The following PCDHGA7 variants were observed in gnomAD, a reference collection of about 807,000 sequenced individuals.
The protein encoded by PCDHGA7 is protocadherin gamma subfamily A, 7, also known as protocadherin gamma-A7.
PCDHGA7 carries 44 observed loss-of-function variants against 58.3 expected under a neutral mutation model. That is an observed-to-expected ratio of 0.75 (90% CI 0.59 to 0.97). The LOEUF (loss-of-function observed/expected upper bound fraction) is 0.97. Ranked by LOEUF, PCDHGA7 falls within the 50% of genes least tolerant of loss-of-function variation. The probability of loss-of-function intolerance (pLI) is 0.00; values close to 1 mark genes in which losing one functional copy is unlikely to be tolerated. For synonymous variants in PCDHGA7, 516 were observed against 504.2 expected (o/e 1.02, Z -0.31); for missense variants, 1,266 against 1,188.7 (o/e 1.06, Z -0.96).
intron 1 of PCDHGA7, chr5:141,413,293 C>G: frequency 6.2e-7 from 1 of 1,613,946 alleles, no homozygotes; most frequent in South Asian, 1.1e-5. Context: ...CTACTCAATT[C>G]CTGAGGAATT....
chr5:141,497,804 T>G (rs1196976996), intron 2 of PCDHGA7, among the ~76,000 whole-genome samples: 1 of 152,186 alleles, frequency 6.6e-6, no homozygotes, highest in Non-Finnish European at 1.5e-5. Context: ...CTTCCCAAAG[T>G]GCTAGAATTA....
At chr5:141,436,181 T>C (rs1050736907) in intron 1 of PCDHGA7, among the ~76,000 whole-genome samples, 2 of 152,092 alleles carry the variant, frequency 1.3e-5, no homozygotes, top group African/African-American at 4.8e-5. Flanking sequence ...TCATATATAG[T>C]CAAATAGAAA....
chr5:141,435,254 G>C (rs1220755047), intron 1 of PCDHGA7, among the ~76,000 whole-genome samples: 1 of 152,018 alleles, frequency 6.6e-6, no homozygotes, highest in African/African-American at 2.4e-5. Flanking sequence ...GGCCATTAGG[G>C]ATATGTCCAT....
intron 2 of PCDHGA7, among the ~76,000 whole-genome samples, chr5:141,499,496 T>C (rs1167360015): frequency 6.6e-6 from 1 of 152,182 alleles, no homozygotes; most frequent in East Asian, 1.9e-4. Flanking sequence ...CAGTTTAATA[T>C]GAAACATTTC....
intron 3 of PCDHGA7, among the ~76,000 whole-genome samples, chr5:141,509,622 T>C (rs2099877603): frequency 6.6e-6 from 1 of 152,186 alleles, no homozygotes; most frequent in Non-Finnish European, 1.5e-5. Flanking sequence ...AACAAGTTCC[T>C]GGGTGATGCT....
At chr5:141,423,659 A>T (rs369390148) in intron 1 of PCDHGA7, 133 of 1,551,038 alleles carry the variant, frequency 8.6e-5, no homozygotes, top group Non-Finnish European at 1.1e-4. Context: ...ACAAGTAATC[A>T]GGTGAGATTT....
intron 1 of PCDHGA7, chr5:141,418,790 G>A (rs1434374059): frequency 2.5e-6 from 4 of 1,613,758 alleles, no homozygotes; most frequent in Admixed American, 3.3e-5. Flanking sequence ...GGATTTTGAA[G>A]AAGTAGAAAG....
In PCDHGA7 at chr5:141,487,678, C is replaced by T. The variant is rs1416406108; in HGVS notation, c.2425-7129C>T. ...ATTCTGATCCAGGCATATGGCTAGG[C>T]CATGTCCTAGAGAGTACTGGCCTCT... On this transcript the variant is annotated intron_variant, in intron 1 of 3. Transcript: ENST00000518325. The surrounding 1 kb of genome is among the most constrained non-coding windows in gnomAD (Gnocchi z 5.0). 6.2e-7 allele frequency: 1 copy of T among 1,609,696 alleles called. No individual in the cohort carries two copies. Among genetic ancestry groups the T allele is most frequent in the South Asian group, 1.1e-5 (1 of 90,230 alleles).
At position 141,382,910 on chromosome 5, in the gene PCDHGA7, A is replaced by G; in HGVS notation, c.11A>G (p.Gln4Arg). The change falls in exon 1 of 4, where the codon CAG becomes CGG. Residue 4 changes from glutamine (Q) to arginine (R), a missense_variant. Coordinates refer to ENST00000518325, the MANE Select transcript of PCDHGA7 (RefSeq NM_018920.4). MAA[Q>R]PRGGDYRGFF... ...AGAAGCAGGACGACTATGGCGGCTC[A>G]GCCGAGGGGCGGGGACTACAGAGGA... The G allele has an allele frequency of 6.5e-7, 1 of 1,546,576 alleles. No homozygotes were observed.
chr5:141,494,306 T>G (rs1432951954), intron 1 of PCDHGA7, among the ~76,000 whole-genome samples: 1 of 152,212 alleles, frequency 6.6e-6, no homozygotes, highest in Non-Finnish European at 1.5e-5. Flanking sequence ...AATGTGTCAC[T>G]GCACAACCTG....
At chr5:141,428,004 G>C in intron 1 of PCDHGA7, 1 of 1,601,732 alleles carries the variant, frequency 6.2e-7, no homozygotes, top group East Asian at 2.2e-5. Context: ...CGCACTCTTC[G>C]ATATAGTGCC....
In PCDHGA7 at chr5:141,431,746, G is replaced by C. The variant is rs780453684; in HGVS notation, c.2424+46423G>C. 6.2e-7 allele frequency: 1 copy of C among 1,614,062 alleles called. No individual in the cohort carries two copies. Among genetic ancestry groups the C allele is most frequent in the African/African-American group, 1.3e-5 (1 of 74,932 alleles). On this transcript the variant is annotated intron_variant, in intron 1 of 3. Transcript: ENST00000518325. The surrounding 1 kb of genome is among the most constrained non-coding windows in gnomAD (Gnocchi z 4.8). ...CAATGGATAATGCAGGATATTCTGC[G>C]CGAGCCAAAGTCCTGATCACTGTTC... is the stretch of plus-strand genomic sequence containing the variant.
chr5:141,421,541 T>A (rs1235004908), intron 1 of PCDHGA7: 9 of 1,613,912 alleles, frequency 5.6e-6, no homozygotes, highest in African/African-American at 1.3e-5. Flanking sequence ...TCCTGTTTTT[T>A]AAATATGGAA....
Position 141,384,038 on chromosome 5 carries a change from G to C in PCDHGA7, c.1139G>C (p.Gly380Ala), listed in dbSNP as rs1779701578. The change falls in exon 1 of 4, where the codon GGT (glycine) becomes GCT (alanine). Residue 380 changes from glycine to alanine, a missense_variant. Transcript: ENST00000518325. The part of the protein sequence containing the change: ...YLQDRDSGKN[G>A]EVTCTIPENL... ...CAAGACAGAGATTCTGGAAAGAATG[G>C]TGAGGTGACCTGCACCATTCCAGAA... 6.2e-7 allele frequency: 1 copy of C among 1,613,110 alleles called. No homozygotes were observed. Among genetic ancestry groups the C allele is most frequent in the East Asian group, 2.2e-5 (1 of 44,880 alleles).
In PCDHGA7 at chr5:141,486,675, A is replaced by T; in HGVS notation, c.2425-8132A>T. On this transcript the variant is annotated intron_variant, in intron 1 of 3. Coordinates refer to ENST00000518325, the MANE Select transcript of PCDHGA7 (RefSeq NM_018920.4). The surrounding 1 kb of genome is among the most constrained non-coding windows in gnomAD (Gnocchi z 5.0). ...TCACTCCTGGAGCCCAGGAATCGAGATGTATCAGCTTCCTCTTTCATCTCT... is the reference window on the plus strand; with the variant it reads ...TCACTCCTGGAGCCCAGGAATCGAGTTGTATCAGCTTCCTCTTTCATCTCT... The T allele has an allele frequency of 6.2e-7, 1 of 1,614,056 alleles. No individual in the cohort carries two copies. The highest frequency in any genetic ancestry group is 8.5e-7 in the Non-Finnish European group (1 of 1,180,016).
chr5:141,407,807 T>C (rs916388568), intron 1 of PCDHGA7, among the ~76,000 whole-genome samples: 1 of 152,202 alleles, frequency 6.6e-6, no homozygotes, highest in African/African-American at 2.4e-5. Flanking sequence ...CATAGAAATA[T>C]CTACTATAAT....
At chr5:141,428,226 C>A (rs2154552641) in intron 1 of PCDHGA7, 1 of 1,137,180 alleles carries the variant, frequency 8.8e-7, no homozygotes, top group South Asian at 1.3e-5. Flanking sequence ...TCTTCGCAGA[C>A]AGCCTGCAGG....
chr5:141,385,037 C>T lies in PCDHGA7; in HGVS notation c.2138C>T (p.Ala713Val). 6.2e-7 allele frequency: 1 copy of T among 1,614,148 alleles called. No individual in the cohort carries two copies. Among genetic ancestry groups the T allele is most frequent in the Non-Finnish European group, 8.5e-7 (1 of 1,180,052 alleles). The change falls in exon 1 of 4, where the codon GCG becomes GTG. Residue 713 changes from alanine (A) to valine (V), a missense_variant. Ala to Val is a moderately conservative substitution (Grantham distance 64, BLOSUM62 0). Transcript: ENST00000518325. ...CTAGCCTTCGTCCTCGTACTGCTGG[C>T]GCTCAGGCTGCGGCGCTGGCACAAG... ...VFLAFVLVLL[A>V]LRLRRWHKSR...
chr5:141,477,059 A>T lies in PCDHGA7; in HGVS notation c.2425-17748A>T. The T allele has an allele frequency of 6.2e-7, 1 of 1,614,238 alleles. No homozygotes were observed. Among genetic ancestry groups the T allele is most frequent in the Non-Finnish European group, 8.5e-7 (1 of 1,180,036 alleles). ...CAAGGGTCGGCTGGACTTCGAGGAC[A>T]CCAAACTCCATGAGATTTACATCCA... On this transcript the variant is annotated intron_variant, in intron 1 of 3. Transcript: ENST00000518325. The surrounding 1 kb of genome is among the most constrained non-coding windows in gnomAD (Gnocchi z 4.9).
Sources: gnomAD v4.1 joint callset for allele counts (sites outside exome capture counted in the v4.1 genomes callset) on GRCh38, gnomAD v4.1.1 for gene constraint, Gnocchi (gnomAD v3.1) non-coding constraint, MANE v1.5 for transcripts, NCBI Gene and HGNC (gene_info 2026-07-23, HGNC 2026-07-21) for gene names.